EHMT1: variants seen among roughly 807,000 people sequenced by gnomAD.
EHMT1 encodes euchromatic histone lysine methyltransferase 1, also known as histone-lysine N-methyltransferase EHMT1.
A neutral mutation model predicts 147.2 loss-of-function variants in EHMT1; 15 were observed. The ratio of observed to expected loss-of-function variants is 0.10; its 90% confidence interval spans 0.07 to 0.16. EHMT1 has a LOEUF of 0.16. Among genes scored for constraint, EHMT1 ranks in the 10% least tolerant of loss-of-function variants. The pLI is 1.00. For missense variants in EHMT1, 1,587 were observed against 1,772.4 expected (o/e 0.90, Z 1.88); for synonymous variants, 795 against 709.6 (o/e 1.12, Z -1.91).
At chr9:137,815,822 G>T in intron 22 of EHMT1, 125 bp from the exon 23 acceptor site, 1 of 820,820 alleles carries the variant, frequency 1.2e-6, no homozygotes, top group Non-Finnish European at 2.0e-6. Context: ...GTTCAAGTTT[G>T]GCCAGAAACC....
At chr9:137,652,727 C>CTT (rs60537357) in intron 1 of EHMT1, among the ~76,000 whole-genome samples, 7 of 134,530 alleles carry the variant, frequency 5.2e-5, no homozygotes, top group African/African-American at 5.5e-5. Flanking sequence ...AGAAGTTAAA[C>CTT]TTTTTTTTTT....
chr9:137,824,461 G>GTT (rs111729585), intron 25 of EHMT1, among the ~76,000 whole-genome samples: 7 of 150,576 alleles, frequency 4.6e-5, no homozygotes, highest in African/African-American at 1.7e-4. Context: ...CTCATACTCG[G>GTT]TTTTTTTTTC....
At chr9:137,645,592 G>A (rs1844826459) in intron 1 of EHMT1, among the ~76,000 whole-genome samples, 1 of 152,136 alleles carries the variant, frequency 6.6e-6, no homozygotes, top group African/African-American at 2.4e-5. Flanking sequence ...GCGAAGAGGG[G>A]CCTCCTGTAG....
chr9:137,634,843 C>CA (rs1300624093), intron 1 of EHMT1, among the ~76,000 whole-genome samples: 1 of 146,298 alleles, frequency 6.8e-6, no homozygotes, highest in African/African-American at 2.5e-5. Context: ...GCTGGGACTA[C>CA]AGGCGCCCCC....
At position 137,744,068 on chromosome 9, in the gene EHMT1, C is replaced by T. The variant is rs771654748; in HGVS notation, c.1148C>T (p.Ser383Leu). The T allele has an allele frequency of 1.8e-5, 29 of 1,614,104 alleles. No homozygotes were observed. The African/African-American group carries it at 2.1e-4, about 12-fold the overall frequency. Reference sequence around the variant, plus strand: ...AGCAGGACTTCCAAGGAGAGCATGTCGGAGGCTGATCGCGCCCAGAAGGTA... The same window carrying T: ...AGCAGGACTTCCAAGGAGAGCATGTTGGAGGCTGATCGCGCCCAGAAGGTA... ...EDSRTSKESM[S>L]EADRAQKMDG... Residue 383 changes from serine to leucine, a missense_variant, in exon 6 of 27, where the codon TCG becomes TTG. Physicochemically the swap from Ser to Leu is moderately radical, Grantham distance 145 (BLOSUM62 -2). Around this residue, in one of 7 missense-constraint regions of EHMT1, gnomAD observed 810 missense variants for 673.0 expected, o/e 1.20. Transcript: ENST00000460843.
chr9:137,639,105 G>A (rs922961952), intron 1 of EHMT1, among the ~76,000 whole-genome samples: 1 of 152,098 alleles, frequency 6.6e-6, no homozygotes, highest in Non-Finnish European at 1.5e-5. Context: ...CTTTAGAAGT[G>A]TGTCATTTAA....
chr9:137,803,011 G>C (rs1474717868), intron 18 of EHMT1: 1 of 1,231,538 alleles, frequency 8.1e-7, no homozygotes, highest in Non-Finnish European at 1.0e-6. Flanking sequence ...CCACCCCCAG[G>C]TGGGGCCACC....
At chr9:137,788,276 C>T (rs1023968198) in intron 15 of EHMT1, 31 of 425,442 alleles carry the variant, frequency 7.3e-5, no homozygotes, top group Middle Eastern at 6.0e-4. Flanking sequence ...CATTGCTGGG[C>T]GGTGGCAGAT....
At chr9:137,816,102 G>A (rs568856167) in intron 23 of EHMT1, 40 bp downstream of exon 23, 66 of 1,503,806 alleles carry the variant, frequency 4.4e-5, no homozygotes, top group Admixed American at 1.7e-4. Context: ...CATTCTGCTC[G>A]TATTAGCACG....
chr9:137,797,627 C>T (rs1382267938), intron 16 of EHMT1, among the ~76,000 whole-genome samples: 2 of 152,084 alleles, frequency 1.3e-5, no homozygotes, highest in Non-Finnish European at 2.9e-5. Flanking sequence ...AATAAAATTA[C>T]AATTCTGAAC....
At chr9:137,712,062 G>T (rs1289516830) in intron 2 of EHMT1, among the ~76,000 whole-genome samples, 1 of 152,174 alleles carries the variant, frequency 6.6e-6, no homozygotes, top group Admixed American at 6.5e-5. Context: ...GGCCCTCCAG[G>T]GTTGCCCCCA....
chr9:137,785,816 C>T (rs1363193277), intron 15 of EHMT1: 2 of 152,252 alleles, frequency 1.3e-5, no homozygotes, highest in Non-Finnish European at 2.9e-5. Flanking sequence ...CCCTGGACAC[C>T]TGGTGGACGC....
chr9:137,832,874 G>T (rs1236344725), intron 25 of EHMT1: 1 of 152,270 alleles, frequency 6.6e-6, no homozygotes, highest in East Asian at 1.9e-4. Context: ...ATTGCATTCT[G>T]CACGAGGAGG....
rs754473199 is a variant in EHMT1 at position 137,728,543 on chromosome 9, G to A, written c.823+14G>A. ...AATCACAGACAGGTAAAGAGGACCCGGCAACTGTCTCTGCTCTTTGAATGT... is the reference window on the plus strand; with the variant it reads ...AATCACAGACAGGTAAAGAGGACCCAGCAACTGTCTCTGCTCTTTGAATGT... On this transcript the variant is annotated intron_variant, in intron 4 of 26. Transcript: ENST00000460843. 7 of 1,613,854 alleles carry A rather than the reference G, an allele frequency of 4.3e-6. No homozygotes were observed. In the South Asian group the frequency reaches 4.4e-5, roughly 10 times the overall value.
intron 6 of EHMT1, among the ~76,000 whole-genome samples, chr9:137,749,264 C>T (rs1372870982): frequency 1.3e-5 from 2 of 152,044 alleles, no homozygotes; most frequent in African/African-American, 4.8e-5. Flanking sequence ...CTCTAAGTTC[C>T]CTATTTACTT....
intron 16 of EHMT1, among the ~76,000 whole-genome samples, chr9:137,791,248 C>G (rs897479328): frequency 1.3e-5 from 2 of 152,212 alleles, no homozygotes; most frequent in African/African-American, 4.8e-5. Flanking sequence ...TCGTCTCACC[C>G]TGTCTTCAGC....
chr9:137,718,760 C>CTT (rs780405612), intron 3 of EHMT1, among the ~76,000 whole-genome samples: 65 of 136,330 alleles, frequency 4.8e-4, no homozygotes, highest in African/African-American at 1.6e-3. Flanking sequence ...TTTTCTTTTT[C>CTT]TTTTTTTTTT....
chr9:137,779,776 C>T (rs1951240606), intron 14 of EHMT1, 59 bp downstream of exon 14: 40 of 1,585,702 alleles, frequency 2.5e-5, no homozygotes, highest in East Asian at 1.3e-4. Context: ...TGAAAGAAGC[C>T]GAGAGCAGTT....
In EHMT1 at chr9:137,644,731, C is replaced by G. The variant is rs923455125; in HGVS notation, c.21+25682C>G. Among the ~76,000 whole-genome samples, 7 of 152,004 alleles carry G rather than the reference C, an allele frequency of 4.6e-5. No individual in the cohort carries two copies. The South Asian group carries it at 1.5e-3, about 32-fold the overall frequency. The stretch of plus-strand genomic sequence containing the variant: ...GGTGGCAGTCTGTAGTTTGCTGGCC[C>G]CTGATTGAGATCTAGTCATTGTTTC... On this transcript the variant is annotated intron_variant, in intron 1 of 26. Transcript: ENST00000460843.
Sources: allele counts gnomAD v4.1 joint callset (sites outside exome capture counted in the v4.1 genomes callset), GRCh38; gene constraint gnomAD v4.1.1; regional missense constraint gnomAD v4.1.1; transcripts MANE v1.5; gene names NCBI Gene and HGNC (gene_info 2026-07-23, HGNC 2026-07-21).